Variants in COBL observed in about 807,000 individuals in gnomAD.
The protein encoded by COBL is protein cordon-bleu.
In COBL, 51 loss-of-function variants were observed where a neutral mutation model predicts 98.8. That is an observed-to-expected ratio of 0.52 (90% CI 0.41 to 0.65). The LOEUF is 0.65. Among genes scored for constraint, COBL ranks in the 30% least tolerant of loss-of-function variants. The pLI, the probability that COBL is intolerant of heterozygous loss-of-function variation, is 0.00. For synonymous variants in COBL, 634 were observed against 651.7 expected, an observed-to-expected ratio of 0.97 and a Z score of 0.41; for missense variants, 1,617 against 1,617.5, an observed-to-expected ratio of 1.00 and a Z score of 0.01.
chr7:51,081,582 C>T (rs1444795501), intron 7 of COBL, among the ~76,000 whole-genome samples: 1 of 152,194 alleles, frequency 6.6e-6, no homozygotes, highest in Non-Finnish European at 1.5e-5. Context: ...TGCACCTGAA[C>T]AGTGAGTGCC....
At chr7:51,216,678 A>G (rs942322549) in intron 2 of COBL, among the ~76,000 whole-genome samples, 1 of 152,236 alleles carries the variant, frequency 6.6e-6, no homozygotes, top group Non-Finnish European at 1.5e-5. Flanking sequence ...AAGCTAAAAA[A>G]AAAAAATTCA....
intron 1 of COBL, among the ~76,000 whole-genome samples, chr7:51,271,812 T>C (rs1020536367): frequency 2.0e-5 from 3 of 152,298 alleles, no homozygotes; most frequent in African/African-American, 7.2e-5. Flanking sequence ...GGAGGATCAC[T>C]TGAGGTCAGG....
intron 1 of COBL, among the ~76,000 whole-genome samples, chr7:51,245,907 G>T (rs1285227910): frequency 6.6e-6 from 1 of 152,334 alleles, no homozygotes; most frequent in East Asian, 1.9e-4. Flanking sequence ...AATCCTGCCT[G>T]CAGAGTAACT....
intron 6 of COBL, among the ~76,000 whole-genome samples, chr7:51,128,048 T>C (rs907407257): frequency 6.6e-6 from 1 of 152,200 alleles, no homozygotes. Context: ...CTGAAGTATG[T>C]TAAACTCTAA....
At chr7:51,165,661 C>T (rs1327741262) in intron 5 of COBL, among the ~76,000 whole-genome samples, 2 of 151,936 alleles carry the variant, frequency 1.3e-5, no homozygotes, top group East Asian at 1.9e-4. Flanking sequence ...CTGCAGAATA[C>T]ACATTATTTT....
At position 51,140,473 on chromosome 7, in the gene COBL, C is replaced by T. The variant is rs182914666; in HGVS notation, c.784-4142G>A. ...CTCAAAATAAAACCAGTATCATCTG[C>T]CACAAGTGCTTTTGACATGGGTCCT... On this transcript the variant is annotated intron_variant, in intron 5 of 12. Transcript: ENST00000265136. 1.7e-4 allele frequency among the ~76,000 whole-genome samples: 26 copies of T among 152,336 alleles called. No homozygotes were observed. The South Asian group carries it at 4.8e-3, about 28-fold the overall frequency.
At chr7:51,106,881 C>CAA (rs1796329230) in intron 6 of COBL, among the ~76,000 whole-genome samples, 1 of 150,102 alleles carries the variant, frequency 6.7e-6, no homozygotes, top group South Asian at 2.1e-4. Context: ...CTTTTTTTTT[C>CAA]TACCTGACTG....
chr7:51,286,947 T>G (rs1429699470), intron 1 of COBL, among the ~76,000 whole-genome samples: 1 of 152,210 alleles, frequency 6.6e-6, no homozygotes. Context: ...AATTAAATCA[T>G]GTCCTTTGCA....
chr7:51,104,562 G>C (rs749008631), intron 6 of COBL, among the ~76,000 whole-genome samples: 2 of 152,300 alleles, frequency 1.3e-5, no homozygotes, highest in South Asian at 4.1e-4. Context: ...GATTAAGTAA[G>C]TAATAACATG....
chr7:51,114,860 C>T (rs1797137032), intron 6 of COBL, among the ~76,000 whole-genome samples: 1 of 152,204 alleles, frequency 6.6e-6, no homozygotes, highest in African/African-American at 2.4e-5. Flanking sequence ...TTATTTTCTA[C>T]ATCCCAACAC....
chr7:51,201,306 C>T (rs1198112682), intron 2 of COBL, among the ~76,000 whole-genome samples: 3 of 150,970 alleles, frequency 2.0e-5, no homozygotes, highest in Non-Finnish European at 4.4e-5. Context: ...GCTATATTGT[C>T]ATTAAATAAA....
chr7:51,180,585 T>C (rs867845675), intron 5 of COBL, among the ~76,000 whole-genome samples: 2 of 152,332 alleles, frequency 1.3e-5, no homozygotes, highest in African/African-American at 4.8e-5. Flanking sequence ...GTATAATAAG[T>C]GTAAAACTAA....
intron 6 of COBL, among the ~76,000 whole-genome samples, chr7:51,114,410 G>A (rs1797102159): frequency 6.6e-6 from 1 of 151,590 alleles, no homozygotes; most frequent in South Asian, 2.1e-4. Context: ...TTTCAAATTG[G>A]GTATTTAACA....
At chr7:51,306,400 T>C (rs997057396) in intron 1 of COBL, among the ~76,000 whole-genome samples, 2 of 152,096 alleles carry the variant, frequency 1.3e-5, no homozygotes, top group Non-Finnish European at 2.9e-5. Flanking sequence ...AAAACACAAT[T>C]AGCGAATTTG....
chr7:51,219,984 T>C (rs768006124), intron 1 of COBL, 40 bp from the exon 2 acceptor site: 11 of 1,564,874 alleles, frequency 7.0e-6, no homozygotes, highest in Non-Finnish European at 8.7e-6. Flanking sequence ...TCAGTGGCAA[T>C]GTTCCTACCT....
At chr7:51,234,777 C>G (rs528126909) in intron 1 of COBL, among the ~76,000 whole-genome samples, 1 of 151,918 alleles carries the variant, frequency 6.6e-6, no homozygotes, top group South Asian at 2.1e-4. Flanking sequence ...ACTGAAGGGC[C>G]AGGGCTGGAC....
chr7:51,302,222 T>C (rs1802041974), intron 1 of COBL, among the ~76,000 whole-genome samples: 2 of 152,154 alleles, frequency 1.3e-5, no homozygotes, highest in African/African-American at 4.8e-5. Flanking sequence ...TTCCTAGCAG[T>C]TAAGTTTTGT....
chr7:51,168,394 C>A (rs1787534169), intron 5 of COBL, among the ~76,000 whole-genome samples: 1 of 151,646 alleles, frequency 6.6e-6, no homozygotes, highest in Admixed American at 6.6e-5. Context: ...CGAGATCGCA[C>A]CACTGCACTC....
chr7:51,089,126 G>A (rs1022610236), intron 6 of COBL, among the ~76,000 whole-genome samples: 1 of 152,094 alleles, frequency 6.6e-6, no homozygotes, highest in Non-Finnish European at 1.5e-5. Context: ...CCAAATTCCT[G>A]AGTGTCCTAG....
Sources: allele counts gnomAD v4.1 joint callset (sites outside exome capture counted in the v4.1 genomes callset), GRCh38; gene constraint gnomAD v4.1.1; transcripts MANE v1.5; gene names NCBI Gene and HGNC (gene_info 2026-07-23, HGNC 2026-07-21).